The following DCC variants were observed in gnomAD, a reference collection of about 807,000 sequenced individuals.
The protein encoded by DCC is DCC netrin 1 receptor, also known as netrin receptor DCC.
DCC carries 58 observed loss-of-function variants against 172.5 expected under a neutral mutation model. The ratio of observed to expected loss-of-function variants is 0.34; its 90% CI spans 0.27 to 0.42. The LOEUF (loss-of-function observed/expected upper bound fraction) is 0.42, where lower values mean the gene tolerates loss of function less well. DCC is among the 10% of genes least tolerant of loss of function. The pLI is 1.00. For missense variants in DCC, 1,740 were observed against 1,791.0 expected (o/e 0.97, Z 0.51); for synonymous variants, 709 against 644.5 (o/e 1.10, Z -1.52).
intron 27 of DCC, among the ~76,000 whole-genome samples, chr18:53,515,228 A>G (rs1249392743): frequency 1.3e-5 from 2 of 152,018 alleles, no homozygotes; most frequent in African/African-American, 2.4e-5. Context: ...ATGCAGAAAA[A>G]GCCTTTGACA....
At chr18:52,633,944 A>G (rs969943052) in intron 1 of DCC, among the ~76,000 whole-genome samples, 2 of 152,262 alleles carry the variant, frequency 1.3e-5, no homozygotes, top group African/African-American at 2.4e-5. Flanking sequence ...GAAAGGACAG[A>G]CTGAGCTATG....
At chr18:53,038,918 C>T (rs1180994002) in intron 5 of DCC, among the ~76,000 whole-genome samples, 1 of 151,364 alleles carries the variant, frequency 6.6e-6, no homozygotes, top group East Asian at 2.0e-4. Context: ...AAAACTCAAA[C>T]ATGTAAGGGA....
chr18:52,402,013 T>C (rs1986458904), intron 1 of DCC, among the ~76,000 whole-genome samples: 1 of 152,014 alleles, frequency 6.6e-6, no homozygotes, highest in Admixed American at 6.6e-5. Context: ...ATAAGATGGT[T>C]GACTGTCTTC....
At chr18:53,487,500 C>G (rs182692283) in intron 26 of DCC, among the ~76,000 whole-genome samples, 1 of 149,686 alleles carries the variant, frequency 6.7e-6, no homozygotes, top group Non-Finnish European at 1.5e-5. Flanking sequence ...TTATATACAC[C>G]CTGGTGATTT....
chr18:52,765,892 G>C (rs902336897), intron 2 of DCC, among the ~76,000 whole-genome samples: 3 of 152,186 alleles, frequency 2.0e-5, no homozygotes, highest in African/African-American at 7.2e-5. Flanking sequence ...TAATGGCTAT[G>C]AGATAGTGTC....
chr18:53,050,653 A>G (rs898262984), intron 5 of DCC, among the ~76,000 whole-genome samples: 2 of 152,082 alleles, frequency 1.3e-5, no homozygotes, highest in Non-Finnish European at 2.9e-5. Context: ...GAAGTTGTTT[A>G]TCAGATCAAG....
chr18:52,772,914 G>C (rs1050536470), intron 2 of DCC, among the ~76,000 whole-genome samples: 2 of 152,250 alleles, frequency 1.3e-5, no homozygotes, highest in Non-Finnish European at 2.9e-5. Context: ...TGAAATGGTT[G>C]CAAATATTTT....
At chr18:52,927,319 T>G (rs7407739) in intron 5 of DCC, among the ~76,000 whole-genome samples, 2 of 151,218 alleles carry the variant, frequency 1.3e-5, no homozygotes, top group Admixed American at 1.3e-4. Context: ...TGGCATTTTT[T>G]CTTTGTGAAT....
intron 2 of DCC, among the ~76,000 whole-genome samples, chr18:52,777,348 G>A (rs1288649805): frequency 6.6e-6 from 1 of 152,150 alleles, no homozygotes; most frequent in East Asian, 1.9e-4. Context: ...TCAGGCTTCT[G>A]TTGGCCCCAT....
intron 2 of DCC, among the ~76,000 whole-genome samples, chr18:52,902,007 G>C (rs1314586201): frequency 6.6e-6 from 1 of 152,142 alleles, no homozygotes; most frequent in East Asian, 1.9e-4. Context: ...AGAGATTTTT[G>C]ATTGAGTACC....
At chr18:52,920,940 T>C (rs547532792) in intron 3 of DCC, among the ~76,000 whole-genome samples, 25 of 152,292 alleles carry the variant, frequency 1.6e-4, no homozygotes, top group African/African-American at 6.0e-4. Flanking sequence ...ATGTACTTTA[T>C]GATTCTAGTG....
chr18:52,943,319 A>G (rs1252422935), intron 5 of DCC, among the ~76,000 whole-genome samples: 1 of 152,170 alleles, frequency 6.6e-6, no homozygotes, highest in East Asian at 1.9e-4. Context: ...TTCTTTATGT[A>G]GAATTGTTTT....
At chr18:53,057,099 AAAAAG>A (rs1426368465) in intron 5 of DCC, among the ~76,000 whole-genome samples, 2 of 150,758 alleles carry the variant, frequency 1.3e-5, no homozygotes, top group African/African-American at 2.4e-5. Flanking sequence ...AAAAAAAAAA[AAAAAG>A]CAAGTCTTCA....
chr18:53,308,376 G>T (rs993245411), intron 13 of DCC, among the ~76,000 whole-genome samples: 1 of 151,872 alleles, frequency 6.6e-6, no homozygotes, highest in Non-Finnish European at 1.5e-5. Context: ...ATCCCAAATT[G>T]TTGACCGTGA....
chr18:52,488,451 A>T lies in DCC; in HGVS notation c.91+147573A>T, dbSNP rs564185545. Among the ~76,000 whole-genome samples the T allele has an allele frequency of 2.0e-5, 3 of 152,254 alleles. No individual in the cohort carries two copies. The East Asian group carries it at 5.8e-4, about 29-fold the overall frequency. On this transcript the variant is annotated intron_variant, in intron 1 of 28. Coordinates refer to ENST00000442544, the MANE Select transcript of DCC (RefSeq NM_005215.4). ...TAGGATAGATCTGAGGTAGGACTGT[A>T]TGATGAGGAAATAGAATATTCAGTG... is the stretch of plus-strand genomic sequence containing the variant.
At chr18:53,368,381 G>A (rs1167328978) in intron 15 of DCC, among the ~76,000 whole-genome samples, 1 of 152,054 alleles carries the variant, frequency 6.6e-6, no homozygotes, top group African/African-American at 2.4e-5. Flanking sequence ...TCTATAGTAT[G>A]GGTTATCTTT....
intron 2 of DCC, chr18:52,758,690 C>T (rs1330050401): frequency 6.6e-6 from 1 of 151,198 alleles, no homozygotes; most frequent in Non-Finnish European, 1.5e-5. Context: ...AAAACCTTAA[C>T]TGAAGAGAAG....
At chr18:52,831,384 G>A (rs1382825993) in intron 2 of DCC, among the ~76,000 whole-genome samples, 1 of 152,164 alleles carries the variant, frequency 6.6e-6, no homozygotes, top group African/African-American at 2.4e-5. Flanking sequence ...CAAGCACATC[G>A]TTCTGGCTGC....
chr18:53,406,952 T>A (rs1396301072), intron 19 of DCC, among the ~76,000 whole-genome samples: 2 of 152,140 alleles, frequency 1.3e-5, no homozygotes, highest in Non-Finnish European at 2.9e-5. Context: ...AGTTCTTAAA[T>A]TTTAAGAAAA....
Sources: allele counts gnomAD v4.1 joint callset (sites outside exome capture counted in the v4.1 genomes callset), GRCh38; gene constraint gnomAD v4.1.1; transcripts MANE v1.5; gene names NCBI Gene and HGNC (gene_info 2026-07-23, HGNC 2026-07-21).